Variants in TEP1 observed in about 807,000 individuals in gnomAD.
TEP1 encodes telomerase protein component 1.
In TEP1, 241 loss-of-function variants were observed where a neutral mutation model predicts 306.3. That is an observed-to-expected ratio of 0.79 (90% confidence interval 0.71 to 0.88). The LOEUF is 0.88. TEP1 is among the 40% of genes least tolerant of loss of function. TEP1 has a pLI of 0.00. For synonymous variants in TEP1, 1,289 were observed against 1,305.5 expected (o/e 0.99, Z 0.27); for missense variants, 3,051 against 3,276.1 (o/e 0.93, Z 1.68).
intron 5 of TEP1, among the ~76,000 whole-genome samples, chr14:20,404,173 G>A (rs1052245649): frequency 6.6e-6 from 1 of 152,096 alleles, no homozygotes; most frequent in Non-Finnish European, 1.5e-5. Context: ...TGGCCATCAT[G>A]GTGAAACCCC....
At chr14:20,373,839 AG>A (rs1555320874) in intron 44 of TEP1, 29 bp from the exon 45 acceptor site, 4 of 1,605,930 alleles carry the variant, frequency 2.5e-6, no homozygotes, top group Non-Finnish European at 3.4e-6. Context: ...ATCAGAGCAG[AG>A]TCATATTGAG....
chr14:20,373,428 T>C, intron 46 of TEP1, 26 bp from the exon 47 acceptor site: 1 of 1,614,014 alleles, frequency 6.2e-7, no homozygotes, highest in African/African-American at 1.3e-5. Flanking sequence ...GGAGATGGGC[T>C]CATGAGAGTG....
At position 20,371,303 on chromosome 14, in the gene TEP1, G is replaced by A. The variant is rs1414426304; in HGVS notation, c.7232C>T (p.Thr2411Ile). ...DAPSEIWSSY[T>I]ENPMILSTHK... ...GGTGGACAATATCATAGGATTTTCT[G>A]TATAGCTGCTCCTGGTTTGTGAGAA... Residue 2411 changes from threonine to isoleucine, a missense_variant, in exon 51 of 55, where the codon ACA becomes ATA. Physicochemically the swap from Thr to Ile is moderately conservative, Grantham distance 89. Coordinates refer to ENST00000262715, the MANE Select transcript of TEP1 (RefSeq NM_007110.5). 1 of 1,613,960 alleles carries A rather than the reference G, an allele frequency of 6.2e-7. No individual in the cohort carries two copies. Among genetic ancestry groups the A allele is most frequent in the African/African-American group, 1.3e-5 (1 of 74,910 alleles).
chr14:20,401,679 T>G (rs554140122), intron 7 of TEP1, 98 bp from the exon 8 acceptor site: 70 of 1,509,756 alleles, frequency 4.6e-5, no homozygotes, highest in Admixed American at 6.3e-5. Context: ...GATCCCTATG[T>G]GGTAATTTCT....
intron 1 of TEP1, among the ~76,000 whole-genome samples, chr14:20,412,151 C>A (rs1279355580): frequency 6.6e-6 from 1 of 152,140 alleles, no homozygotes; most frequent in African/African-American, 2.4e-5. Flanking sequence ...TCTCACTGGA[C>A]GTCAGTGTGA....
At chr14:20,401,348 G>A (rs1878722221) in intron 8 of TEP1, 109 bp downstream of exon 8, 1 of 1,501,776 alleles carries the variant, frequency 6.7e-7, no homozygotes, top group Non-Finnish European at 9.0e-7. Context: ...GGGCATGTCT[G>A]TCTAAAGTCA....
chr14:20,385,392 G>T (rs866354293), intron 20 of TEP1, among the ~76,000 whole-genome samples: 25 of 149,874 alleles, frequency 1.7e-4, no homozygotes, highest in Middle Eastern at 6.3e-3. Flanking sequence ...GTTTTTTTGA[G>T]ACTGAGCTTT....
Position 20,384,072 on chromosome 14 carries a change from G to A in TEP1, c.3500C>T (p.Thr1167Met), listed in dbSNP as rs200345270. ...TGTCTTGCCCTGTCCTGACTGCCCC[G>A]TCACCAGGCTCAGCCTTCCGTGGGG... ...MLPHGRLSLV[T>M]GQSGQGKTAF... Residue 1167 changes from threonine to methionine, a missense_variant, in exon 24 of 55, where the codon ACG becomes ATG. Around this residue, in one of 3 missense-constraint regions of TEP1, gnomAD observed 1,507 missense variants for 1,550.5 expected, o/e 0.97. Transcript: ENST00000262715. The A allele has an allele frequency of 1.5e-5, 25 of 1,612,948 alleles. No individual in the cohort carries two copies. The highest frequency in any genetic ancestry group is 4.5e-5 in the East Asian group (2 of 44,876).
rs1414653277 is a variant in TEP1, at chr14:20,391,009, G to C, written c.2185C>G (p.Leu729Val). 2 of 1,614,030 alleles carry C rather than the reference G, an allele frequency of 1.2e-6. No individual in the cohort carries two copies. Among genetic ancestry groups the C allele is most frequent in the African/African-American group, 2.7e-5 (2 of 74,900 alleles). Residue 729 changes from leucine (L) to valine (V), a missense_variant, in exon 14 of 55, where the codon CTG (leucine) becomes GTG (valine). Coordinates refer to ENST00000262715, the MANE Select transcript of TEP1 (RefSeq NM_007110.5). ...TCTGCCTTAAGCACTGCAGTCTTCA[G>C]AGTGTCACCTCCACACAGCACGACG... ...VDVVLCGGDTLKTAVLKAEEG... is the reference protein window; with the variant it reads ...VDVVLCGGDTVKTAVLKAEEG...
intron 1 of TEP1, among the ~76,000 whole-genome samples, chr14:20,409,434 T>C (rs1344564986): frequency 6.6e-6 from 1 of 152,210 alleles, no homozygotes; most frequent in African/African-American, 2.4e-5. Context: ...GACTCACAGA[T>C]CTATTCCTGG....
At position 20,368,280 on chromosome 14, in the gene TEP1, C is replaced by T. The variant is rs1594313531; in HGVS notation, c.*157G>A. On this transcript the variant is annotated 3_prime_UTR_variant, in exon 55 of 55. Transcript: ENST00000262715. ...AGAATATCCTCCTGTTCTAAATCCA[C>T]ATGAGAACACAGGCAGGCCTACACT... The T allele has an allele frequency of 6.7e-6, 5 of 750,426 alleles. No individual in the cohort carries two copies. In the East Asian group the frequency reaches 1.4e-4, roughly 21 times the overall value. The allele number at this position is 750,426 out of a possible 1,614,324, so 46.5% of individuals were successfully genotyped here. A position where few individuals can be genotyped will look rare whatever the true frequency, so the allele number is the denominator to read the frequency against.
At chr14:20,387,001 C>A (rs1334365320) in intron 18 of TEP1, among the ~76,000 whole-genome samples, 1 of 151,206 alleles carries the variant, frequency 6.6e-6, no homozygotes, top group African/African-American at 2.4e-5. Context: ...ATGGCGCGAT[C>A]TCGGCTCACT....
rs774463976 is a variant in TEP1, at chr14:20,382,060, A to G, written c.4277T>C (p.Leu1426Ser). The stretch of plus-strand genomic sequence containing the variant: ...CACTCCGTGCAGCTGGTCCACAGTC[A>G]AACCTGAAAACTCAAGCTCTCTGAG... ...LTALEVTRSG[L>S]TVDQLHGVLS... The change falls in exon 30 of 55, where the codon TTG becomes TCG. Residue 1426 changes from leucine (L) to serine (S), a missense_variant. By Grantham distance (145) the Leu-to-Ser change is moderately radical. This residue lies in a region of TEP1 where 1,540 missense variants were observed against 1,705.9 expected (regional missense o/e 0.90). Transcript: ENST00000262715. 4 of 1,614,046 alleles carry G rather than the reference A, an allele frequency of 2.5e-6. No homozygotes were observed. The South Asian group carries it at 3.3e-5, about 13-fold the overall frequency.
At chr14:20,373,936 G>C in intron 44 of TEP1, 126 bp from the exon 45 acceptor site, 1 of 1,299,644 alleles carries the variant, frequency 7.7e-7, no homozygotes, top group East Asian at 2.4e-5. Context: ...GAGAACTCAG[G>C]AACAGTGGGG....
At chr14:20,384,255 C>T (rs1876907529) in intron 23 of TEP1, 23 bp from the exon 24 acceptor site, 1 of 1,611,628 alleles carries the variant, frequency 6.2e-7, no homozygotes, top group African/African-American at 1.3e-5. Flanking sequence ...GGGTCAGTGA[C>T]TATCCATGGT....
chr14:20,410,055 A>AAAAAAAAAAAAAAAAAAC (rs1879532858), intron 1 of TEP1, among the ~76,000 whole-genome samples: 1 of 140,838 alleles, frequency 7.1e-6, no homozygotes, highest in Non-Finnish European at 1.5e-5. Context: ...AAAAAAAAAA[A>AAAAAAAAAAAAAAAAAAC]ATGCCTACCT....
chr14:20,396,676 C>T lies in TEP1; in HGVS notation c.1604G>A (p.Arg535Gln), dbSNP rs769367433. Residue 535 changes from arginine to glutamine, a missense_variant, in exon 10 of 55, where the codon CGG becomes CAG. By Grantham distance (43) the Arg-to-Gln change is conservative. This residue lies in a region of TEP1 where 1,507 missense variants were observed against 1,550.5 expected (regional missense o/e 0.97). Coordinates refer to ENST00000262715, the MANE Select transcript of TEP1 (RefSeq NM_007110.5). ...ATGGTGGCGGGAACTGATTCCAACC[C>T]GCAGCAGGTTGCACAGGTTCCGAAG... ...AMLRNLCNLL[R>Q]VGISSRHHEL... The T allele has an allele frequency of 1.6e-5, 25 of 1,611,934 alleles. No homozygotes were observed. Among genetic ancestry groups the T allele is most frequent in the Middle Eastern group, 1.6e-4 (1 of 6,078 alleles).
intron 1 of TEP1, among the ~76,000 whole-genome samples, chr14:20,412,268 ATTTTT>A (rs1029694765): frequency 6.6e-6 from 1 of 152,072 alleles, no homozygotes; most frequent in Non-Finnish European, 1.5e-5. Flanking sequence ...ATTGACTCAG[ATTTTT>A]TTTAAAAGAG....
At chr14:20,378,655 G>T in intron 37 of TEP1, 99 bp downstream of exon 37, 1 of 1,576,990 alleles carries the variant, frequency 6.3e-7, no homozygotes, top group Non-Finnish European at 8.7e-7. Flanking sequence ...GCCTTCTCTG[G>T]CCAGGGAGTC....
Sources: gnomAD v4.1 joint callset for allele counts (sites outside exome capture counted in the v4.1 genomes callset) on GRCh38, gnomAD v4.1.1 for gene constraint, gnomAD v4.1.1 regional missense constraint, MANE v1.5 for transcripts, NCBI Gene and HGNC (gene_info 2026-07-23, HGNC 2026-07-21) for gene names.